The following SLC25A19 variants were observed in gnomAD, a reference collection of about 807,000 sequenced individuals.
SLC25A19 encodes the protein mitochondrial thiamine pyrophosphate carrier.
Under a neutral mutation model 27.9 loss-of-function variants are expected in SLC25A19, and 18 were observed. That is an observed-to-expected ratio of 0.64 (90% CI 0.45 to 0.96). The LOEUF is 0.96. Among genes scored for constraint, SLC25A19 ranks in the 40% least tolerant of loss-of-function variants. The probability of loss-of-function intolerance (pLI) is 0.00; values close to 1 mark genes in which losing one functional copy is unlikely to be tolerated. For missense variants in SLC25A19, 371 were observed against 418.3 expected (o/e 0.89, Z 0.99); for synonymous variants, 169 against 167.1 (o/e 1.01, Z -0.09).
chr17:75,286,657 G>C lies in SLC25A19; in HGVS notation c.108C>G (p.Phe36Leu). Reference sequence around the variant, plus strand: ...CCTGGAAACGGATCTTGATGACGTCGAAGGGACTGATCAGCGCCCGAGTAA... The same window carrying C: ...CCTGGAAACGGATCTTGATGACGTCCAAGGGACTGATCAGCGCCCGAGTAA... ...GLVTRALISP[F>L]DVIKIRFQLQ... is the part of the protein sequence containing the mutation. Residue 36 changes from phenylalanine to leucine, a missense_variant, in exon 3 of 8, where the codon TTC (phenylalanine) becomes TTG (leucine). Transcript: ENST00000416858. 6.2e-7 allele frequency: 1 copy of C among 1,614,154 alleles called. No individual in the cohort carries two copies. The highest frequency in any genetic ancestry group is 1.1e-5 in the South Asian group (1 of 91,070).
chr17:75,273,354 C>A lies in SLC25A19; in HGVS notation c.*97G>T, dbSNP rs553709278. ...CTGCTACCCCGCTTGGGGCAGCTGGCCTGCAGGGAAGGGCCAGACGGCACC... is the reference window on the plus strand; with the variant it reads ...CTGCTACCCCGCTTGGGGCAGCTGGACTGCAGGGAAGGGCCAGACGGCACC... On this transcript the variant is annotated 3_prime_UTR_variant, in exon 8 of 8. Transcript: ENST00000416858. 17 of 1,400,302 alleles carry A rather than the reference C, an allele frequency of 1.2e-5. No homozygotes were observed. In the African/African-American group the frequency reaches 2.0e-4, roughly 16 times the overall value. 86.7% of individuals were successfully genotyped at this position (1,400,302 alleles called of 1,614,324 possible).
At chr17:75,287,845 T>C (rs991978744) in intron 2 of SLC25A19, among the ~76,000 whole-genome samples, 3 of 152,158 alleles carry the variant, frequency 2.0e-5, no homozygotes, top group Admixed American at 2.0e-4. Context: ...CATGCTACGC[T>C]AGCAAATGAT....
intron 5 of SLC25A19, among the ~76,000 whole-genome samples, chr17:75,279,686 T>C (rs2077987284): frequency 6.6e-6 from 1 of 151,944 alleles, no homozygotes; most frequent in African/African-American, 2.4e-5. Context: ...TTTTTGTATT[T>C]TTAGTAGAGA....
chr17:75,286,953 C>A, intron 2 of SLC25A19, 151 bp from the exon 3 acceptor site: 1 of 737,420 alleles, frequency 1.4e-6, no homozygotes, highest in Non-Finnish European at 2.2e-6. Context: ...TGTATCCCAG[C>A]ACTTTCGGAG....
Position 75,273,455 on chromosome 17 carries a change from C to T in SLC25A19, c.959G>A (p.Arg320His), listed in dbSNP as rs780717775. The change falls in exon 8 of 8, where the codon CGC becomes CAC. Residue 320 changes from arginine to histidine, a missense_variant. By Grantham distance (29) the Arg-to-His change is conservative. Transcript: ENST00000416858. ...GACCTGGGGTCCTTCCTGCACTCAG[C>T]GCTGGCTGGCTGTCCTGTTCATGCA... ...FHCMNRTASQ[R>H] 2.0e-5 allele frequency: 33 copies of T among 1,613,648 alleles called. No individual in the cohort carries two copies. In the East Asian group the frequency reaches 2.7e-4, roughly 13 times the overall value.
intron 2 of SLC25A19, chr17:75,287,018 C>G (rs2078201019): frequency 2.1e-6 from 1 of 473,198 alleles, no homozygotes; most frequent in South Asian, 2.2e-5. Context: ...CTGGGCAACA[C>G]TGCAAAACCC....
intron 5 of SLC25A19, among the ~76,000 whole-genome samples, chr17:75,280,467 C>T (rs2078011378): frequency 6.6e-6 from 1 of 152,020 alleles, no homozygotes; most frequent in South Asian, 2.1e-4. Flanking sequence ...GCCAGCAGTT[C>T]CAGACCAGCC....
intron 5 of SLC25A19, among the ~76,000 whole-genome samples, chr17:75,279,669 C>T (rs1196211921): frequency 6.6e-6 from 1 of 152,002 alleles, no homozygotes; most frequent in African/African-American, 2.4e-5. Context: ...ACACCACGCC[C>T]AACTAATTTT....
rs778642765 is a variant in SLC25A19 at position 75,277,373 on chromosome 17, C to A, written c.754G>T (p.Ala252Ser). The A allele has an allele frequency of 1.9e-6, 3 of 1,613,798 alleles. No homozygotes were observed. Among genetic ancestry groups the A allele is most frequent in the Non-Finnish European group, 2.5e-6 (3 of 1,179,942 alleles). Reference protein sequence around the residue: ...KRLQVGGFEHARAAFGQVRRY... With the variant: ...KRLQVGGFEHSRAAFGQVRRY... Reference sequence around the variant, plus strand: ...CTCACCTGGCCAAAGGCAGCTCTGGCATGCTCAAACCCTCCAACCTGTAGC... The same window carrying A: ...CTCACCTGGCCAAAGGCAGCTCTGGAATGCTCAAACCCTCCAACCTGTAGC... Residue 252 changes from alanine to serine, a missense_variant, in exon 7 of 8, where the codon GCC becomes TCC. Ala to Ser is a moderately conservative substitution (Grantham distance 99, BLOSUM62 1). Coordinates refer to ENST00000416858, the MANE Select transcript of SLC25A19 (RefSeq NM_001126121.2).
chr17:75,283,867 GCA>G lies in SLC25A19; in HGVS notation c.289-276_289-275del, dbSNP rs140927657. Among the ~76,000 whole-genome samples, 6,816 of 152,270 alleles carry G rather than the reference GCA, an allele frequency of 0.045. 478 individuals are homozygous for G. The highest frequency in any genetic ancestry group is 0.15 in the African/African-American group (6,304 of 41,516). On this transcript the variant is annotated intron_variant, in intron 4 of 7. Coordinates refer to ENST00000416858, the MANE Select transcript of SLC25A19 (RefSeq NM_001126121.2). ...GCAGTGGCTCACACTTGTAATCCCA[GCA>G]CTCTGGGGGGCCGAGGCGGGCAGAT...
In SLC25A19 at chr17:75,283,080, G is replaced by A. The variant is rs895853948; in HGVS notation, c.459+343C>T. On this transcript the variant is annotated intron_variant, in intron 5 of 7. Coordinates refer to ENST00000416858, the MANE Select transcript of SLC25A19 (RefSeq NM_001126121.2). ...TTTGGGAGGCCGAGGCGGGCGGATCGTGAGGTCAGGAGATCGAGACCATCC... is the reference window on the plus strand; with the variant it reads ...TTTGGGAGGCCGAGGCGGGCGGATCATGAGGTCAGGAGATCGAGACCATCC... Among the ~76,000 whole-genome samples, 10 of 150,318 alleles carry A rather than the reference G, an allele frequency of 6.7e-5. No homozygotes were observed. In the South Asian group the frequency reaches 1.0e-3, roughly 16 times the overall value.
Position 75,286,796 on chromosome 17 carries a change from T to G in SLC25A19, c.-32A>C. ...CTCTGGCCCACACAATGTCCATCAG[T>G]ATCAAGCTAAATGCAAGAGATACGG... On this transcript the variant is annotated 5_prime_UTR_variant, in exon 3 of 8. Coordinates refer to ENST00000416858, the MANE Select transcript of SLC25A19 (RefSeq NM_001126121.2). 6.2e-7 allele frequency: 1 copy of G among 1,613,894 alleles called. No homozygotes were observed. The highest frequency in any genetic ancestry group is 8.5e-7 in the Non-Finnish European group (1 of 1,179,886).
rs1162924675 is a variant in SLC25A19, at chr17:75,278,210, G to C, written c.585C>G (p.Cys195Trp). Residue 195 changes from cysteine to tryptophan, a missense_variant, in exon 6 of 8, where the codon TGC (cysteine) becomes TGG (tryptophan). Coordinates refer to ENST00000416858, the MANE Select transcript of SLC25A19 (RefSeq NM_001126121.2). ...TGTACAGGTGCTTCAAGGAGCTGTA[G>C]CAAGAGAACTGCAGCCCGGCGTAGG... ...IFPYAGLQFS[C>W]YSSLKHLYKW... 4 of 1,614,056 alleles carry C rather than the reference G, an allele frequency of 2.5e-6. No homozygotes were observed. The highest frequency in any genetic ancestry group is 3.4e-6 in the Non-Finnish European group (4 of 1,180,018).
intron 5 of SLC25A19, among the ~76,000 whole-genome samples, chr17:75,282,594 G>A (rs148485244): frequency 5.1e-4 from 77 of 152,024 alleles, no homozygotes; most frequent in African/African-American, 1.6e-3. Flanking sequence ...GGTGGCTCAC[G>A]CCTGTAATCC....
chr17:75,287,485 G>A (rs1365038803), intron 2 of SLC25A19: 1 of 152,282 alleles, frequency 6.6e-6, no homozygotes. Flanking sequence ...ACACGACCTT[G>A]GTCTCATTTG....
Position 75,273,357 on chromosome 17 carries a change from G to T in SLC25A19, c.*94C>A. 7.0e-7 allele frequency: 1 copy of T among 1,420,014 alleles called. No homozygotes were observed. The highest frequency in any genetic ancestry group is 9.6e-7 in the Non-Finnish European group (1 of 1,038,838). The allele number at this position is 1,420,014 out of a possible 1,614,324, so 88.0% of individuals were successfully genotyped here. A position where few individuals can be genotyped will look rare whatever the true frequency, so the allele number is the denominator to read the frequency against. The stretch of plus-strand genomic sequence containing the variant: ...CTACCCCGCTTGGGGCAGCTGGCCT[G>T]CAGGGAAGGGCCAGACGGCACCTCT... On this transcript the variant is annotated 3_prime_UTR_variant, in exon 8 of 8. Transcript: ENST00000416858.
chr17:75,282,865 A>AATAAATAAAAAT (rs2078074894), intron 5 of SLC25A19, among the ~76,000 whole-genome samples: 1 of 150,966 alleles, frequency 6.6e-6, no homozygotes, highest in Non-Finnish European at 1.5e-5. Flanking sequence ...AAAATAAATA[A>AATAAATAAAAAT]ATAACTAAAA....
intron 4 of SLC25A19, among the ~76,000 whole-genome samples, chr17:75,283,948 T>C (rs1379259886): frequency 1.3e-5 from 2 of 152,180 alleles, no homozygotes; most frequent in East Asian, 3.9e-4. Context: ...ACCCTGTCTT[T>C]ACTAAAAATA....
At chr17:75,279,271 A>G (rs2077976150) in intron 5 of SLC25A19, among the ~76,000 whole-genome samples, 1 of 152,116 alleles carries the variant, frequency 6.6e-6, no homozygotes, top group Non-Finnish European at 1.5e-5. Context: ...TTTTAAAATT[A>G]TAATTCATGA....
Sources: allele counts gnomAD v4.1 joint callset (sites outside exome capture counted in the v4.1 genomes callset), GRCh38; gene constraint gnomAD v4.1.1; transcripts MANE v1.5; gene names NCBI Gene and HGNC (gene_info 2026-07-23, HGNC 2026-07-21).